ZBTB20: variants seen among roughly 807,000 people sequenced by gnomAD.
ZBTB20 encodes the protein zinc finger and BTB domain containing 20, also known as zinc finger and BTB domain-containing protein 20.
In ZBTB20, 9 loss-of-function variants were observed where a neutral mutation model predicts 56.9. That is an observed-to-expected ratio of 0.16 (90% CI 0.10 to 0.28). The LOEUF (loss-of-function observed/expected upper bound fraction) is 0.28. Ranked by LOEUF, ZBTB20 falls within the 10% of genes least tolerant of loss-of-function variation. ZBTB20 has a pLI of 1.00. For missense variants in ZBTB20, 655 were observed against 1,003.0 expected, an observed-to-expected ratio of 0.65 and a Z score of 4.69; for synonymous variants, 417 against 420.7, an observed-to-expected ratio of 0.99 and a Z score of 0.11.
chr3:114,881,789 A>G (rs952688691), intron 4 of ZBTB20, among the ~76,000 whole-genome samples: 1 of 151,874 alleles, frequency 6.6e-6, no homozygotes, highest in African/African-American at 2.4e-5. Context: ...ATTTCAAAGA[A>G]TTAAAAAAAT....
At chr3:114,949,746 G>A (rs377311605) in intron 3 of ZBTB20, among the ~76,000 whole-genome samples, 2,397 of 136,830 alleles carry the variant, frequency 0.018, 306 homozygotes, top group African/African-American at 0.074. Flanking sequence ...CAGCCTGGGC[G>A]ACAGAGTAAG....
At chr3:115,054,033 T>C (rs1026993238) in intron 2 of ZBTB20, among the ~76,000 whole-genome samples, 2 of 152,126 alleles carry the variant, frequency 1.3e-5, no homozygotes, top group African/African-American at 4.8e-5. Flanking sequence ...TCATAATCCA[T>C]TGTCCCCCAT....
intron 10 of ZBTB20, among the ~76,000 whole-genome samples, chr3:114,376,790 T>C (rs2083688037): frequency 6.6e-6 from 1 of 152,114 alleles, no homozygotes; most frequent in South Asian, 2.1e-4. Context: ...GTATAAAACA[T>C]GGGAAGGTAA....
At chr3:114,574,689 T>C (rs1287422836) in intron 6 of ZBTB20, among the ~76,000 whole-genome samples, 1 of 152,212 alleles carries the variant, frequency 6.6e-6, no homozygotes, top group African/African-American at 2.4e-5. Flanking sequence ...GTCTGCCTGG[T>C]CTGTATTCCA....
chr3:114,447,659 T>G (rs565005057), intron 7 of ZBTB20, among the ~76,000 whole-genome samples: 1 of 152,248 alleles, frequency 6.6e-6, no homozygotes, highest in Middle Eastern at 3.4e-3. Flanking sequence ...TGACACACCT[T>G]AAAAGAGAGA....
chr3:114,562,176 GA>G (rs2052150198), intron 6 of ZBTB20, among the ~76,000 whole-genome samples: 1 of 149,662 alleles, frequency 6.7e-6, no homozygotes, highest in Admixed American at 6.6e-5. Context: ...TGGCTGGTTT[GA>G]TTTTTTTTTT....
intron 4 of ZBTB20, among the ~76,000 whole-genome samples, chr3:114,856,031 T>G (rs1357518129): frequency 2.0e-5 from 3 of 152,152 alleles, no homozygotes; most frequent in African/African-American, 7.2e-5. Flanking sequence ...TTTACAAGTC[T>G]TAATTTCAGT....
Position 114,873,372 on chromosome 3 carries a change from T to C in ZBTB20, c.-417+26932A>G, listed in dbSNP as rs76540454. 4.1e-3 allele frequency among the ~76,000 whole-genome samples: 620 copies of C among 152,272 alleles called. 3 individuals are homozygous for C. The highest frequency in any genetic ancestry group is 0.014 in the African/African-American group (572 of 41,562). ...GTGTAAAGTGGGTGCAAGCATGTAA[T>C]TAAATGGAAAACTGGTCATATTTAG... On this transcript the variant is annotated intron_variant, in intron 4 of 11. Coordinates refer to ENST00000675478, the MANE Select transcript of ZBTB20 (RefSeq NM_001348800.3).
chr3:114,422,217 T>C (rs905843448), intron 7 of ZBTB20, among the ~76,000 whole-genome samples: 1 of 152,174 alleles, frequency 6.6e-6, no homozygotes, highest in Non-Finnish European at 1.5e-5. Context: ...AGCTTTCCTA[T>C]TTTGTTCCAC....
intron 6 of ZBTB20, among the ~76,000 whole-genome samples, chr3:114,565,824 C>T (rs1280017831): frequency 1.3e-5 from 2 of 152,056 alleles, no homozygotes; most frequent in Non-Finnish European, 2.9e-5. Context: ...ATTCTTAGTT[C>T]TCATATCCAG....
chr3:114,576,339 A>T (rs1262839826), intron 6 of ZBTB20, among the ~76,000 whole-genome samples: 1 of 151,560 alleles, frequency 6.6e-6, no homozygotes, highest in Admixed American at 6.6e-5. Flanking sequence ...CTCTACTAAA[A>T]ATACAAAAAG....
intron 4 of ZBTB20, among the ~76,000 whole-genome samples, chr3:114,842,933 G>C (rs1000269389): frequency 6.6e-6 from 1 of 152,146 alleles, no homozygotes; most frequent in African/African-American, 2.4e-5. Context: ...CAGGGACCTG[G>C]TGGAAGGTGA....
intron 4 of ZBTB20, among the ~76,000 whole-genome samples, chr3:114,899,944 A>T (rs2075040637): frequency 6.6e-6 from 1 of 152,010 alleles, no homozygotes; most frequent in African/African-American, 2.4e-5. Flanking sequence ...GCAGCAAAAT[A>T]AAAAAAAGTT....
Position 114,316,661 on chromosome 3 carries a change from C to T in ZBTB20, c.*22344G>A, listed in dbSNP as rs567177051. On this transcript the variant is annotated 3_prime_UTR_variant, in exon 12 of 12. Transcript: ENST00000675478. ...TCTGTATATTTTAAACAGTCTGGAGCTTTAATTTATTTTTTAAAGTGCATT... is the reference window on the plus strand; with the variant it reads ...TCTGTATATTTTAAACAGTCTGGAGTTTTAATTTATTTTTTAAAGTGCATT... 2.4e-6 allele frequency: 1 copy of T among 424,706 alleles called. No individual in the cohort carries two copies. The highest frequency in any genetic ancestry group is 2.2e-5 in the African/African-American group (1 of 46,414). The allele number at this position is 424,706 out of a possible 1,614,324, so 26.3% of individuals were successfully genotyped here. A position where few individuals can be genotyped will look rare whatever the true frequency, so the allele number is the denominator to read the frequency against.
chr3:114,765,320 G>A (rs139018930), intron 5 of ZBTB20, among the ~76,000 whole-genome samples: 3 of 152,236 alleles, frequency 2.0e-5, no homozygotes, highest in African/African-American at 7.2e-5. Context: ...TCGTAATGGA[G>A]TAAGGTGGTT....
At chr3:114,617,637 T>C (rs1412411269) in intron 6 of ZBTB20, among the ~76,000 whole-genome samples, 1 of 152,186 alleles carries the variant, frequency 6.6e-6, no homozygotes, top group Non-Finnish European at 1.5e-5. Context: ...AACAGCATAT[T>C]AGGGCCCATG....
chr3:114,895,087 A>G (rs1434912878), intron 4 of ZBTB20, among the ~76,000 whole-genome samples: 1 of 152,204 alleles, frequency 6.6e-6, no homozygotes, highest in African/African-American at 2.4e-5. Flanking sequence ...AAGATCATCT[A>G]GTTATTATTA....
At chr3:114,527,272 C>A (rs1397006581) in intron 6 of ZBTB20, 1 of 152,120 alleles carries the variant, frequency 6.6e-6, no homozygotes, top group Non-Finnish European at 1.5e-5. Context: ...CACAGGAGGG[C>A]AAATCTTAGG....
rs539657392 is a variant in ZBTB20 at position 115,104,921 on chromosome 3, G to A, written c.-702-33507C>T. Among the ~76,000 whole-genome samples the A allele has an allele frequency of 2.0e-5, 3 of 152,258 alleles. No individual in the cohort carries two copies. The South Asian group carries it at 6.2e-4, about 32-fold the overall frequency. ...TGTAACAAATATATGACTCTGGTGG[G>A]GGATATTGATGATGGGGAGGCTGTG... On this transcript the variant is annotated intron_variant, in intron 1 of 11. Transcript: ENST00000675478.
Sources: gnomAD v4.1 joint callset for allele counts (sites outside exome capture counted in the v4.1 genomes callset) on GRCh38, gnomAD v4.1.1 for gene constraint, MANE v1.5 for transcripts, NCBI Gene and HGNC (gene_info 2026-07-23, HGNC 2026-07-21) for gene names.